Variants in RAI14 observed in about 807,000 individuals in gnomAD.
RAI14 encodes retinoic acid induced 14.
RAI14 carries 45 observed loss-of-function variants against 115.4 expected under a neutral mutation model. The ratio of observed to expected loss-of-function variants is 0.39; its 90% CI spans 0.31 to 0.50. The LOEUF is 0.50. Among genes scored for constraint, RAI14 ranks in the 20% least tolerant of loss-of-function variants. The probability of loss-of-function intolerance (pLI) is 0.85; values close to 1 mark genes in which losing one functional copy is unlikely to be tolerated. For missense variants in RAI14, 939 were observed against 1,131.2 expected (o/e 0.83, Z 2.44); for synonymous variants, 371 against 415.4 (o/e 0.89, Z 1.30).
intron 3 of RAI14, among the ~76,000 whole-genome samples, chr5:34,780,025 T>C (rs1405296716): frequency 6.6e-6 from 1 of 151,684 alleles, no homozygotes; most frequent in Non-Finnish European, 1.5e-5. Context: ...AAACAAGAGG[T>C]ATAATACCAA....
intron 14 of RAI14, among the ~76,000 whole-genome samples, chr5:34,822,443 G>A (rs1353510321): frequency 2.7e-5 from 4 of 150,932 alleles, no homozygotes; most frequent in African/African-American, 4.8e-5. Context: ...TGGAGGCTTT[G>A]TAGAGAAAAC....
intron 3 of RAI14, among the ~76,000 whole-genome samples, chr5:34,760,309 A>G (rs1171475662): frequency 2.0e-5 from 3 of 152,170 alleles, no homozygotes; most frequent in Non-Finnish European, 4.4e-5. Flanking sequence ...AGCCTCCAAA[A>G]GTGCTGGGAT....
chr5:34,735,328 G>T (rs1362681655), intron 2 of RAI14, among the ~76,000 whole-genome samples: 2 of 152,160 alleles, frequency 1.3e-5, no homozygotes, highest in Non-Finnish European at 2.9e-5. Context: ...GTTTTGTAAA[G>T]AAATTATACT....
At chr5:34,777,624 A>G (rs1029923464) in intron 3 of RAI14, among the ~76,000 whole-genome samples, 10 of 152,262 alleles carry the variant, frequency 6.6e-5, no homozygotes, top group African/African-American at 2.4e-4. Context: ...TACTAAAAAT[A>G]CAAAATTAGC....
At chr5:34,816,741 TAATA>T (rs1269603306) in intron 12 of RAI14, among the ~76,000 whole-genome samples, 1 of 152,200 alleles carries the variant, frequency 6.6e-6, no homozygotes, top group Non-Finnish European at 1.5e-5. Flanking sequence ...TAGACTTTAC[TAATA>T]AACTCTTCAG....
At chr5:34,671,505 T>G (rs1183173682) in intron 1 of RAI14, among the ~76,000 whole-genome samples, 1 of 152,216 alleles carries the variant, frequency 6.6e-6, no homozygotes, top group South Asian at 2.1e-4. Context: ...TTACATCTGC[T>G]TTGTTAGTAT....
chr5:34,717,636 T>C (rs1037827252), intron 2 of RAI14, among the ~76,000 whole-genome samples: 1 of 152,110 alleles, frequency 6.6e-6, no homozygotes, highest in Non-Finnish European at 1.5e-5. Flanking sequence ...TTACTGCAAC[T>C]GAAGAAGACA....
intron 3 of RAI14, among the ~76,000 whole-genome samples, chr5:34,787,893 ATTTTT>A (rs70973012): frequency 5.6e-4 from 14 of 25,102 alleles, no homozygotes; most frequent in African/African-American, 9.2e-4. Context: ...GATACTACTG[ATTTTT>A]TTTTTTTTTT....
intron 2 of RAI14, among the ~76,000 whole-genome samples, chr5:34,713,041 C>T (rs1741586205): frequency 2.0e-5 from 3 of 151,940 alleles, no homozygotes; most frequent in Admixed American, 6.6e-5. Context: ...ATTCTGAAAA[C>T]AAACACTTTT....
chr5:34,753,537 T>C (rs902554715), intron 2 of RAI14, among the ~76,000 whole-genome samples: 3 of 152,034 alleles, frequency 2.0e-5, no homozygotes, highest in African/African-American at 7.2e-5. Flanking sequence ...CCCAGCACTT[T>C]GGGAGGCCAA....
intron 2 of RAI14, among the ~76,000 whole-genome samples, chr5:34,692,284 AAG>A (rs1738711912): frequency 6.6e-6 from 1 of 151,856 alleles, no homozygotes; most frequent in Non-Finnish European, 1.5e-5. Flanking sequence ...ATAATAATAA[AAG>A]ATAACAGCTC....
At chr5:34,828,366 T>C (rs1376921938) in intron 16 of RAI14, among the ~76,000 whole-genome samples, 2 of 152,106 alleles carry the variant, frequency 1.3e-5, no homozygotes, top group Non-Finnish European at 2.9e-5. Flanking sequence ...AGATGGATCA[T>C]TCACACAGAT....
chr5:34,762,929 ATGTGTGTG>A (rs34495404), intron 3 of RAI14, among the ~76,000 whole-genome samples: 8,674 of 129,068 alleles, frequency 0.067, 299 homozygotes, highest in African/African-American at 0.12. Context: ...GAGTGTGTGC[ATGTGTGTG>A]TGTGTGTGTG....
At position 34,791,517 on chromosome 5, in the gene RAI14, G is replaced by T. The variant is rs1752915168; in HGVS notation, c.168-4422G>T. Among the ~76,000 whole-genome samples the T allele has an allele frequency of 6.6e-6, 1 of 151,940 alleles. No homozygotes were observed. The highest frequency in any genetic ancestry group is 1.5e-5 in the Non-Finnish European group (1 of 67,962). ...AATTAAAACTTAAAAAAAAAAGCCT[G>T]AATTGGCTCTTAGAAATATTTAATC... On this transcript the variant is annotated intron_variant, in intron 3 of 17. Coordinates refer to ENST00000265109, the MANE Select transcript of RAI14 (RefSeq NM_015577.3). This position sits in a 1 kb window ranked among gnomAD's most constrained non-coding sequence, Gnocchi z 5.4.
chr5:34,753,653 C>A (rs910123334), intron 2 of RAI14, among the ~76,000 whole-genome samples: 1 of 152,188 alleles, frequency 6.6e-6, no homozygotes, highest in Middle Eastern at 3.4e-3. Flanking sequence ...TTGTGAGTCA[C>A]ACCTATAATC....
intron 3 of RAI14, among the ~76,000 whole-genome samples, chr5:34,784,316 A>G (rs1439285862): frequency 6.6e-6 from 1 of 152,238 alleles, no homozygotes; most frequent in Admixed American, 6.5e-5. Context: ...ACCCATCTGT[A>G]AAGACATTTT....
intron 3 of RAI14, among the ~76,000 whole-genome samples, chr5:34,779,986 A>G (rs953572671): frequency 2.0e-5 from 3 of 152,162 alleles, no homozygotes; most frequent in East Asian, 1.9e-4. Context: ...CAAGACTACC[A>G]TAACCAAAAC....
At chr5:34,776,966 C>T (rs757390936) in intron 3 of RAI14, among the ~76,000 whole-genome samples, 39 of 151,990 alleles carry the variant, frequency 2.6e-4, no homozygotes, top group African/African-American at 8.5e-4. Flanking sequence ...GTCAGAAGTT[C>T]GAGACCAGCC....
intron 3 of RAI14, among the ~76,000 whole-genome samples, chr5:34,780,860 G>A (rs989241936): frequency 2.6e-5 from 4 of 152,076 alleles, no homozygotes; most frequent in Non-Finnish European, 4.4e-5. Context: ...CCCAGCCATC[G>A]CATTACTGGG....
Sources: gnomAD v4.1 joint callset for allele counts (sites outside exome capture counted in the v4.1 genomes callset) on GRCh38, gnomAD v4.1.1 for gene constraint, Gnocchi (gnomAD v3.1) non-coding constraint, MANE v1.5 for transcripts, NCBI Gene and HGNC (gene_info 2026-07-23, HGNC 2026-07-21) for gene names.